Variants in DYNC1I1 observed in about 807,000 individuals in gnomAD.
DYNC1I1 encodes the protein cytoplasmic dynein 1 intermediate chain 1.
Under a neutral mutation model 86.6 loss-of-function variants are expected in DYNC1I1, and 43 were observed. That is an observed-to-expected ratio of 0.50 (90% CI 0.39 to 0.64). The LOEUF (loss-of-function observed/expected upper bound fraction) is 0.64. Ranked by LOEUF, DYNC1I1 falls within the 30% of genes least tolerant of loss-of-function variation. The pLI is 0.00. For missense variants in DYNC1I1, 604 were observed against 788.8 expected (o/e 0.77, Z 2.81); for synonymous variants, 262 against 283.7 (o/e 0.92, Z 0.77).
intron 13 of DYNC1I1, among the ~76,000 whole-genome samples, chr7:96,037,016 G>A (rs1048869774): frequency 6.6e-6 from 1 of 151,992 alleles, no homozygotes; most frequent in African/African-American, 2.4e-5. Flanking sequence ...AAGATTTAAT[G>A]AAGAACCACA....
chr7:95,939,865 G>A (rs1209671205), intron 6 of DYNC1I1, among the ~76,000 whole-genome samples: 6 of 152,086 alleles, frequency 3.9e-5, no homozygotes, highest in Non-Finnish European at 8.8e-5. Context: ...TATTTTGCTC[G>A]TTAGTTGATG....
intron 10 of DYNC1I1, among the ~76,000 whole-genome samples, chr7:96,022,871 A>G (rs1025129081): frequency 1.3e-5 from 2 of 151,048 alleles, no homozygotes; most frequent in African/African-American, 4.9e-5. Flanking sequence ...CCTTGTCTCA[A>G]TAATAATAAT....
intron 12 of DYNC1I1, among the ~76,000 whole-genome samples, chr7:96,034,368 C>T (rs1259418176): frequency 1.3e-5 from 2 of 152,110 alleles, no homozygotes; most frequent in African/African-American, 4.8e-5. Flanking sequence ...GCCCATTTTG[C>T]TCATTACACA....
At chr7:95,936,849 G>T (rs188756594) in intron 6 of DYNC1I1, among the ~76,000 whole-genome samples, 2 of 151,790 alleles carry the variant, frequency 1.3e-5, no homozygotes, top group East Asian at 3.9e-4. Context: ...ACTGTATTAG[G>T]TTAAAAGATT....
At position 96,104,008 on chromosome 7, in the gene DYNC1I1, C is replaced by G. The variant is rs1234413115; in HGVS notation, c.1543-5971C>G. Among the ~76,000 whole-genome samples, 3 of 152,096 alleles carry G rather than the reference C, an allele frequency of 2.0e-5. No homozygotes were observed. In the South Asian group the frequency reaches 6.2e-4, roughly 32 times the overall value. ...TTGGTGAGCATGAAATGGTATCTAG[C>G]TGTGGTTTTAGTTTGCATATACTCG... On this transcript the variant is annotated intron_variant, in intron 16 of 16. Transcript: ENST00000537881.
At chr7:96,029,726 C>G (rs1794762676) in intron 11 of DYNC1I1, among the ~76,000 whole-genome samples, 1 of 152,026 alleles carries the variant, frequency 6.6e-6, no homozygotes, top group South Asian at 2.1e-4. Flanking sequence ...GGCTGGCCAA[C>G]ATGGAGAAAC....
At chr7:96,010,347 G>T (rs1471527486) in intron 10 of DYNC1I1, among the ~76,000 whole-genome samples, 1 of 152,164 alleles carries the variant, frequency 6.6e-6, no homozygotes, top group Non-Finnish European at 1.5e-5. Context: ...GAGCTAGCTC[G>T]CATTAGGAGG....
At chr7:95,987,228 T>G in intron 9 of DYNC1I1, 73 bp downstream of exon 9, 2 of 1,330,930 alleles carry the variant, frequency 1.5e-6, no homozygotes, top group Non-Finnish European at 2.1e-6. Flanking sequence ...AATAAGAGAT[T>G]TGTTTACTTG....
rs570066282 is a variant in DYNC1I1 at position 95,822,904 on chromosome 7, G to A, written c.315-5153G>A. ...GGAATTCCAGAAAGGGGAGACTTGGGTAGCAGTGAGGATGATGTCTGGTCT... is the reference window on the plus strand; with the variant it reads ...GGAATTCCAGAAAGGGGAGACTTGGATAGCAGTGAGGATGATGTCTGGTCT... On this transcript the variant is annotated intron_variant, in intron 4 of 16. Coordinates refer to ENST00000447467, the MANE Select transcript of DYNC1I1 (RefSeq NM_001135556.2). 2.6e-5 allele frequency among the ~76,000 whole-genome samples: 4 copies of A among 152,272 alleles called. No individual in the cohort carries two copies. In the South Asian group the frequency reaches 8.3e-4, roughly 32 times the overall value.
Position 95,923,653 on chromosome 7 carries a change from T to C in DYNC1I1, c.490+53655T>C, listed in dbSNP as rs537771949. On this transcript the variant is annotated intron_variant, in intron 6 of 16. Coordinates refer to ENST00000447467, the MANE Select transcript of DYNC1I1 (RefSeq NM_001135556.2). ...ATTTTTGTGGGATAACAACATTTTG[T>C]AGCTTATTTGCAAAAGTTCTCTACA... is the stretch of plus-strand genomic sequence containing the variant. Among the ~76,000 whole-genome samples, 6 of 152,274 alleles carry C rather than the reference T, an allele frequency of 3.9e-5. No homozygotes were observed. The East Asian group carries it at 7.7e-4, about 20-fold the overall frequency.
intron 10 of DYNC1I1, among the ~76,000 whole-genome samples, chr7:96,019,588 G>A (rs1378712662): frequency 6.6e-6 from 1 of 152,110 alleles, no homozygotes; most frequent in Non-Finnish European, 1.5e-5. Context: ...TTAGAAAATA[G>A]TCTGAAGGGT....
intron 10 of DYNC1I1, among the ~76,000 whole-genome samples, chr7:96,013,185 G>A (rs1448181497): frequency 6.6e-6 from 1 of 152,024 alleles, no homozygotes; most frequent in East Asian, 1.9e-4. Flanking sequence ...AAGGAGATGG[G>A]ATGATGGAAG....
At chr7:95,957,819 G>T (rs1792758511) in intron 6 of DYNC1I1, among the ~76,000 whole-genome samples, 2 of 152,100 alleles carry the variant, frequency 1.3e-5, no homozygotes, top group South Asian at 4.2e-4. Context: ...CAGGATCACA[G>T]AACTTGTCCT....
At chr7:95,813,163 T>G in intron 3 of DYNC1I1, 84 bp from the exon 4 acceptor site, 1 of 1,609,880 alleles carries the variant, frequency 6.2e-7, no homozygotes, top group Middle Eastern at 1.7e-4. Flanking sequence ...TGGGCCCATT[T>G]GTTTTGATTT....
At chr7:96,068,018 T>C (rs1584294917) in intron 14 of DYNC1I1, among the ~76,000 whole-genome samples, 2 of 152,294 alleles carry the variant, frequency 1.3e-5, no homozygotes, top group Admixed American at 6.5e-5. Context: ...TTAAAACTCA[T>C]CTTTATCCCC....
chr7:96,098,046 T>C lies in DYNC1I1; in HGVS notation c.*453T>C. On this transcript the variant is annotated 3_prime_UTR_variant, in exon 17 of 17. Coordinates refer to ENST00000447467, the MANE Select transcript of DYNC1I1 (RefSeq NM_001135556.2). Reference sequence around the variant, plus strand: ...GTGTTTTACATGGTGACTCACATTATGAATGGATTTACTAGAAGAACATTG... The same window carrying C: ...GTGTTTTACATGGTGACTCACATTACGAATGGATTTACTAGAAGAACATTG... 1.0e-6 allele frequency: 1 copy of C among 989,736 alleles called. No individual in the cohort carries two copies. The highest frequency in any genetic ancestry group is 1.2e-6 in the Non-Finnish European group (1 of 832,214). The allele number at this position is 989,736 out of a possible 1,614,324, so 61.3% of individuals were successfully genotyped here. A position where few individuals can be genotyped will look rare whatever the true frequency, so the allele number is the denominator to read the frequency against.
intron 4 of DYNC1I1, among the ~76,000 whole-genome samples, chr7:95,824,521 C>A (rs1795162947): frequency 6.6e-6 from 1 of 152,130 alleles, no homozygotes; most frequent in Non-Finnish European, 1.5e-5. Flanking sequence ...TTCTATATCA[C>A]CATCATTTTA....
chr7:95,872,021 C>T (rs1790184684), intron 6 of DYNC1I1, among the ~76,000 whole-genome samples: 1 of 152,226 alleles, frequency 6.6e-6, no homozygotes, highest in South Asian at 2.1e-4. Flanking sequence ...TCACCACAGG[C>T]GATGATGCCT....
rs1322770816 is a variant in DYNC1I1 at position 96,104,272 on chromosome 7, T to C, written c.1543-5707T>C. 5.9e-5 allele frequency among the ~76,000 whole-genome samples: 9 copies of C among 152,268 alleles called. No homozygotes were observed. The East Asian group carries it at 1.7e-3, about 29-fold the overall frequency. On this transcript the variant is annotated intron_variant, in intron 16 of 16. Transcript: ENST00000537881. Reference sequence around the variant, plus strand: ...AGTTCTTTATGTATTCTGGATATAATTCCTTTGCCAGATATGTTTGTTACA... The same window carrying C: ...AGTTCTTTATGTATTCTGGATATAACTCCTTTGCCAGATATGTTTGTTACA...
Sources: allele counts gnomAD v4.1 joint callset (sites outside exome capture counted in the v4.1 genomes callset), GRCh38; gene constraint gnomAD v4.1.1; transcripts MANE v1.5; gene names NCBI Gene and HGNC (gene_info 2026-07-23, HGNC 2026-07-21).